The following NAALADL2 variants were observed in gnomAD, a reference collection of about 807,000 sequenced individuals.
NAALADL2 encodes the protein N-acetylated alpha-linked acidic dipeptidase like 2, also known as inactive N-acetylated-alpha-linked acidic dipeptidase-like protein 2.
A neutral mutation model predicts 87.2 loss-of-function variants in NAALADL2; 76 were observed. The ratio of observed to expected loss-of-function variants is 0.87; its 90% CI spans 0.72 to 1.05. NAALADL2 has a LOEUF of 1.05. Among genes scored for constraint, NAALADL2 ranks in the 50% least tolerant of loss-of-function variants. NAALADL2 has a pLI of 0.00. For missense variants in NAALADL2, 1,089 were observed against 945.8 expected (o/e 1.15, Z -1.99); for synonymous variants, 354 against 331.0 (o/e 1.07, Z -0.75).
chr3:174,709,485 A>G (rs1730418933), intron 2 of NAALADL2, among the ~76,000 whole-genome samples: 1 of 152,172 alleles, frequency 6.6e-6, no homozygotes, highest in East Asian at 1.9e-4. Context: ...AAACAACTCC[A>G]AGAAGATGAT....
At chr3:175,352,888 C>T (rs1425520840) in intron 5 of NAALADL2, among the ~76,000 whole-genome samples, 1 of 151,832 alleles carries the variant, frequency 6.6e-6, no homozygotes, top group Non-Finnish European at 1.5e-5. Flanking sequence ...CCAACGTGAG[C>T]TCTCACAGGT....
chr3:175,142,912 C>T (rs6792248), intron 2 of NAALADL2, among the ~76,000 whole-genome samples: 8,507 of 151,892 alleles, frequency 0.056, 764 homozygotes, highest in African/African-American at 0.19. Flanking sequence ...TCTGTCACAT[C>T]GTAGCTTTTA....
chr3:175,131,445 G>A (rs991326573), intron 2 of NAALADL2, among the ~76,000 whole-genome samples: 1 of 152,132 alleles, frequency 6.6e-6, no homozygotes, highest in Non-Finnish European at 1.5e-5. Flanking sequence ...CACAGCACAT[G>A]TTTCAGAGAG....
At chr3:175,729,313 G>A (rs1352399931) in intron 11 of NAALADL2, among the ~76,000 whole-genome samples, 2 of 151,944 alleles carry the variant, frequency 1.3e-5, no homozygotes, top group Non-Finnish European at 1.5e-5. Context: ...TAGTTAGGAC[G>A]GTTCATGATT....
chr3:174,859,555 G>A, intron 1 of NAALADL2, 105 bp downstream of exon 1: 2 of 866,694 alleles, frequency 2.3e-6, no homozygotes, highest in South Asian at 1.5e-5. Context: ...ACGCATCCCT[G>A]CATGCATGTT....
intron 1 of NAALADL2, among the ~76,000 whole-genome samples, chr3:174,973,064 T>C (rs370681772): frequency 1.6e-3 from 240 of 152,106 alleles, no homozygotes; most frequent in African/African-American, 5.6e-3. Context: ...AGAAGGCATA[T>C]AGCACTGTTT....
At chr3:175,253,481 T>C (rs1384056545) in intron 3 of NAALADL2, among the ~76,000 whole-genome samples, 1 of 152,206 alleles carries the variant, frequency 6.6e-6, no homozygotes, top group Non-Finnish European at 1.5e-5. Flanking sequence ...AGAGCTCCGA[T>C]GGTGATGTAC....
At chr3:174,749,504 G>GAAA (rs57331910) in intron 3 of NAALADL2, among the ~76,000 whole-genome samples, 17 of 143,142 alleles carry the variant, frequency 1.2e-4, no homozygotes, top group African/African-American at 2.5e-4. Flanking sequence ...TAGTAGTTAG[G>GAAA]AAAAAAAAAA....
chr3:174,520,263 C>T (rs985554502), intron 1 of NAALADL2, among the ~76,000 whole-genome samples: 3 of 152,100 alleles, frequency 2.0e-5, no homozygotes, highest in Non-Finnish European at 2.9e-5. Flanking sequence ...CCAAAGCAGT[C>T]CTAAGCAAAA....
chr3:175,136,618 A>G (rs1488022925), intron 2 of NAALADL2, among the ~76,000 whole-genome samples: 2 of 81,814 alleles, frequency 2.4e-5, no homozygotes, highest in African/African-American at 8.4e-5. Context: ...GAAGAGAAAA[A>G]TCAAAATCCA....
intron 13 of NAALADL2, among the ~76,000 whole-genome samples, chr3:175,787,610 C>G (rs1295019979): frequency 1.3e-5 from 2 of 152,172 alleles, no homozygotes; most frequent in Admixed American, 6.5e-5. Flanking sequence ...CGCCCACTGT[C>G]TGGCGCTCCC....
chr3:174,760,139 T>G (rs942111195), intron 3 of NAALADL2, among the ~76,000 whole-genome samples: 1 of 152,174 alleles, frequency 6.6e-6, no homozygotes, highest in East Asian at 1.9e-4. Flanking sequence ...GGAAACTGAT[T>G]GTCTGAAGTA....
intron 2 of NAALADL2, among the ~76,000 whole-genome samples, chr3:174,661,488 A>C (rs1202754195): frequency 6.6e-6 from 1 of 152,166 alleles, no homozygotes; most frequent in Non-Finnish European, 1.5e-5. Context: ...CTACCTAAAA[A>C]GGACATATGT....
At chr3:174,949,028 G>T (rs1190692350) in intron 1 of NAALADL2, among the ~76,000 whole-genome samples, 1 of 152,048 alleles carries the variant, frequency 6.6e-6, no homozygotes, top group Non-Finnish European at 1.5e-5. Context: ...GAAGAGAAAG[G>T]GGTCTCTCTG....
chr3:175,469,420 A>G (rs954060947), intron 8 of NAALADL2, among the ~76,000 whole-genome samples: 1 of 152,160 alleles, frequency 6.6e-6, no homozygotes, highest in Non-Finnish European at 1.5e-5. Flanking sequence ...CCTTATTGAC[A>G]TGTCATATTG....
At chr3:174,840,471 G>T (rs1021814340) in intron 3 of NAALADL2, among the ~76,000 whole-genome samples, 3 of 152,070 alleles carry the variant, frequency 2.0e-5, no homozygotes, top group Non-Finnish European at 4.4e-5. Flanking sequence ...AATATAGGGA[G>T]ACTAAAATAT....
intron 2 of NAALADL2, among the ~76,000 whole-genome samples, chr3:175,139,805 A>G (rs557579061): frequency 6.6e-6 from 1 of 152,272 alleles, no homozygotes; most frequent in African/African-American, 2.4e-5. Context: ...ATGCATTGCA[A>G]ATTAGTTTCA....
intron 10 of NAALADL2, among the ~76,000 whole-genome samples, chr3:175,579,971 G>C (rs541422176): frequency 1.3e-4 from 20 of 152,086 alleles, no homozygotes; most frequent in South Asian, 4.1e-4. Flanking sequence ...TATACTTTTC[G>C]CTGTTCTGTT....
intron 1 of NAALADL2, among the ~76,000 whole-genome samples, chr3:175,077,335 T>A (rs1297819887): frequency 1.3e-5 from 2 of 152,204 alleles, no homozygotes; most frequent in African/African-American, 4.8e-5. Flanking sequence ...GACGTTCTAG[T>A]CTGTGAAAGG....
Sources: gnomAD v4.1 joint callset for allele counts (sites outside exome capture counted in the v4.1 genomes callset) on GRCh38, gnomAD v4.1.1 for gene constraint, MANE v1.5 for transcripts, NCBI Gene and HGNC (gene_info 2026-07-23, HGNC 2026-07-21) for gene names.